The following WFS1 variants were observed in gnomAD, a reference collection of about 807,000 sequenced individuals.
WFS1 encodes the protein wolframin.
Under a neutral mutation model 68.5 loss-of-function variants are expected in WFS1, and 90 were observed. The ratio of observed to expected loss-of-function variants is 1.31; its 90% CI spans 1.11 to 1.56. The LOEUF (loss-of-function observed/expected upper bound fraction) is 1.56. WFS1 is among the 40% of genes most tolerant of loss of function. The pLI is 0.00. For synonymous variants in WFS1, 860 were observed against 540.7 expected (o/e 1.59, Z -8.19); for missense variants, 1,767 against 1,232.6 (o/e 1.43, Z -6.49).
chr4:6,274,621 A>G (rs1729938473), intron 1 of WFS1, among the ~76,000 whole-genome samples: 1 of 152,110 alleles, frequency 6.6e-6, no homozygotes, highest in Non-Finnish European at 1.5e-5. Context: ...CTCGGGACAG[A>G]CATAGCTTGG....
At chr4:6,296,479 C>T (rs1730643648) in intron 7 of WFS1, among the ~76,000 whole-genome samples, 1 of 152,216 alleles carries the variant, frequency 6.6e-6, no homozygotes, top group Non-Finnish European at 1.5e-5. Flanking sequence ...GAACTTGAAC[C>T]AAGGGAGCAC....
intron 6 of WFS1, among the ~76,000 whole-genome samples, chr4:6,293,705 C>T (rs930538398): frequency 6.6e-6 from 1 of 152,192 alleles, no homozygotes; most frequent in Non-Finnish European, 1.5e-5. Context: ...CAGGACAGGA[C>T]ATCCTGCCCA....
chr4:6,299,877 TGCATGTGTGTGTGTAGGGGTGGGTTG>T (rs1446365587), intron 7 of WFS1, among the ~76,000 whole-genome samples: 51 of 104,808 alleles, frequency 4.9e-4, no homozygotes, highest in South Asian at 7.5e-4. Context: ...AGGGGTGGGC[TGCATGTGTGTGTGTAGGGGTGGGTTG>T]TGTGTGTGTG....
chr4:6,299,554 G>GTA (rs1472093943), intron 7 of WFS1, among the ~76,000 whole-genome samples: 1 of 99,668 alleles, frequency 1.0e-5, no homozygotes, highest in African/African-American at 3.7e-5. Flanking sequence ...GTGAATGTGT[G>GTA]TGTAGGGGTG....
intron 3 of WFS1, chr4:6,288,478 T>C: frequency 4.3e-6 from 1 of 230,712 alleles, no homozygotes; most frequent in Non-Finnish European, 8.6e-6. Flanking sequence ...TCAGCTTTGC[T>C]GTGGAGCACG....
At chr4:6,299,101 T>G (rs1046699122) in intron 7 of WFS1, among the ~76,000 whole-genome samples, 20 of 152,358 alleles carry the variant, frequency 1.3e-4, no homozygotes, top group Middle Eastern at 3.4e-3. Flanking sequence ...GTGTGAGCAC[T>G]GGCACCATGG....
Position 6,301,440 on chromosome 4 carries a change from C to G in WFS1, c.1645C>G (p.Leu549Val), listed in dbSNP as rs1801211. Reference sequence around the variant, plus strand: ...GTGTGAGCTCTCCGTGGTCATCCTGCTGGAGTCCACCGGCCTGGGGCTGCT... The same window carrying G: ...GTGTGAGCTCTCCGTGGTCATCCTGGTGGAGTCCACCGGCCTGGGGCTGCT... The part of the protein sequence containing the change: ...MWCELSVVIL[L>V]ESTGLGLLRA... Residue 549 changes from leucine to valine, a missense_variant, in exon 8 of 8, where the codon CTG (leucine) becomes GTG (valine). By Grantham distance (32) the Leu-to-Val change is conservative (BLOSUM62 1). Transcript: ENST00000226760. The G allele has an allele frequency of 6.2e-7, 1 of 1,612,490 alleles. No individual in the cohort carries two copies. Among genetic ancestry groups the G allele is most frequent in the South Asian group, 1.1e-5 (1 of 91,092 alleles).
rs116420908 is a variant in WFS1, at chr4:6,293,623, C to A, written c.713-1418C>A. 2.4e-3 allele frequency among the ~76,000 whole-genome samples: 363 copies of A among 152,298 alleles called. 3 individuals are homozygous for A. The highest frequency in any genetic ancestry group is 7.3e-3 in the African/African-American group (305 of 41,568). ...CTCTTCTCCTTAGAGCCCTCTCCCC[C>A]ACCAGGCCCGGGGCCCTTGCTGCCA... On this transcript the variant is annotated intron_variant, in intron 6 of 7. Coordinates refer to ENST00000226760, the MANE Select transcript of WFS1 (RefSeq NM_006005.3).
Position 6,272,003 on chromosome 4 carries a change from C to T in WFS1, c.-6+1989C>T, listed in dbSNP as rs375320624. ...CTGCTGCCTCCTCTTCTGGGCACAA[C>T]CCCTGCTGGAATGCCCAGCCACCTC... On this transcript the variant is annotated intron_variant, in intron 1 of 7. Transcript: ENST00000226760. 5.9e-5 allele frequency among the ~76,000 whole-genome samples: 9 copies of T among 152,324 alleles called. 1 individual carries two copies. The highest frequency in any genetic ancestry group is 2.2e-4 in the African/African-American group (9 of 41,570).
rs961779757 is a variant in WFS1 at position 6,301,027 on chromosome 4, C to T, written c.1232C>T (p.Ser411Phe). 13 of 1,614,170 alleles carry T rather than the reference C, an allele frequency of 8.1e-6. No homozygotes were observed. The highest frequency in any genetic ancestry group is 1.3e-5 in the African/African-American group (1 of 75,036). The change falls in exon 8 of 8, where the codon TCT (serine) becomes TTT (phenylalanine). Residue 411 changes from serine to phenylalanine, a missense_variant. Transcript: ENST00000226760. ...GAGCCCTATGCCCATTTCCTGCTCT[C>T]TGTCTTCTTCGTCATCTTCTCCTTC... Reference protein sequence around the residue: ...HLEPYAHFLLSVFFVIFSFPI... With the variant: ...HLEPYAHFLLFVFFVIFSFPI...
chr4:6,271,201 A>G (rs1578580590), intron 1 of WFS1, among the ~76,000 whole-genome samples: 1 of 152,180 alleles, frequency 6.6e-6, no homozygotes, highest in East Asian at 1.9e-4. Flanking sequence ...TGTGATTCCC[A>G]TGGGGTCTCC....
At chr4:6,285,925 A>G (rs1730297855) in intron 2 of WFS1, among the ~76,000 whole-genome samples, 1 of 152,268 alleles carries the variant, frequency 6.6e-6, no homozygotes, top group Admixed American at 6.5e-5. Flanking sequence ...CTTAGGAAGT[A>G]AAATGCAGCA....
chr4:6,292,009 C>T lies in WFS1; in HGVS notation c.712+12C>T, dbSNP rs1231945619. On this transcript the variant is annotated intron_variant, in intron 6 of 7. Coordinates refer to ENST00000226760, the MANE Select transcript of WFS1 (RefSeq NM_006005.3). ...GGTCAGCAGCGAGTGTGAGTGCAGC[C>T]CCTGCCCCGTCTCACCCATGCCTCC... The T allele has an allele frequency of 1.9e-5, 30 of 1,598,930 alleles. No homozygotes were observed. The highest frequency in any genetic ancestry group is 2.6e-5 in the Non-Finnish European group (30 of 1,174,192).
At chr4:6,288,013 T>G (rs1421314236) in intron 3 of WFS1, among the ~76,000 whole-genome samples, 2 of 152,142 alleles carry the variant, frequency 1.3e-5, no homozygotes, top group Non-Finnish European at 2.9e-5. Context: ...GGTCAGGAGT[T>G]CGTGACCAGC....
intron 1 of WFS1, among the ~76,000 whole-genome samples, chr4:6,275,912 C>A (rs916513258): frequency 6.6e-6 from 1 of 152,160 alleles, no homozygotes; most frequent in East Asian, 1.9e-4. Flanking sequence ...TCGTGCTGCC[C>A]ATGGTGTCTG....
In WFS1 at chr4:6,269,890, C is replaced by A. The variant is rs576284630; in HGVS notation, c.-130C>A. ...CTAGCCGGCTCTTCAGCAGCGAGTG[C>A]AGATTGCTCCCCCGCGGCCGCAGAT... On this transcript the variant is annotated 5_prime_UTR_variant, in exon 1 of 8. Coordinates refer to ENST00000226760, the MANE Select transcript of WFS1 (RefSeq NM_006005.3). The A allele has an allele frequency of 1.3e-5, 2 of 152,252 alleles. No homozygotes were observed. Among genetic ancestry groups the A allele is most frequent in the African/African-American group, 2.4e-5 (1 of 41,474 alleles). The allele number at this position is 152,252 out of a possible 1,614,324, so 9.4% of individuals were successfully genotyped here.
At chr4:6,275,214 G>C (rs973967778) in intron 1 of WFS1, among the ~76,000 whole-genome samples, 2 of 152,188 alleles carry the variant, frequency 1.3e-5, no homozygotes, top group Non-Finnish European at 1.5e-5. Flanking sequence ...CTCTCTCTCT[G>C]TCTGAGAAAG....
At position 6,301,580 on chromosome 4, in the gene WFS1, C is replaced by T. The variant is rs751425347; in HGVS notation, c.1785C>T (p.Thr595=). Residue 595 remains threonine (T), a synonymous_variant, in exon 8 of 8, where the codon ACC becomes ACT. Coordinates refer to ENST00000226760, the MANE Select transcript of WFS1 (RefSeq NM_006005.3). ...GGTGGTTCACGTCTCTGGAGCTCAC[C>T]AAGATCGCAGTCACCGTGGCGGTCT... is the stretch of plus-strand genomic sequence containing the variant. The part of the protein sequence containing the change: ...FARWFTSLEL[T]KIAVTVAVCS... 1.2e-5 allele frequency: 20 copies of T among 1,614,206 alleles called. No homozygotes were observed. Among genetic ancestry groups the T allele is most frequent in the Non-Finnish European group, 1.7e-5 (20 of 1,180,050 alleles).
Position 6,289,086 on chromosome 4 carries a change from C to T in WFS1, c.415C>T (p.Arg139Cys), listed in dbSNP as rs1413669857. The change falls in exon 4 of 8, where the codon CGC (arginine) becomes TGC (cysteine). Residue 139 changes from arginine to cysteine, a missense_variant. Arg to Cys is a radical substitution (Grantham distance 180). Transcript: ENST00000226760. ...GGTCCTCGCCGCGAAGCAGGGCCGT[C>T]GCGAGGCTGTGAAGCTGCTTCGCCG... ...WLVLAAKQGR[R>C]EAVKLLRRCL... The T allele has an allele frequency of 3.2e-6, 5 of 1,585,620 alleles. No homozygotes were observed. The highest frequency in any genetic ancestry group is 3.6e-5 in the Admixed American group (2 of 55,580).
Sources: allele counts gnomAD v4.1 joint callset (sites outside exome capture counted in the v4.1 genomes callset), GRCh38; gene constraint gnomAD v4.1.1; transcripts MANE v1.5; gene names NCBI Gene and HGNC (gene_info 2026-07-23, HGNC 2026-07-21).